Variants in RICTOR observed in about 807,000 individuals in gnomAD.
RICTOR encodes rapamycin-insensitive companion of mTOR.
A neutral mutation model predicts 214.9 loss-of-function variants in RICTOR; 49 were observed. The ratio of observed to expected loss-of-function variants is 0.23; its 90% confidence interval spans 0.18 to 0.29. The LOEUF (loss-of-function observed/expected upper bound fraction) is 0.29. Ranked by LOEUF, RICTOR falls within the 10% of genes least tolerant of loss-of-function variation. The pLI is 1.00. For synonymous variants in RICTOR, 717 were observed against 711.3 expected (o/e 1.01, Z -0.13); for missense variants, 1,625 against 2,047.0 (o/e 0.79, Z 3.98).
intron 31 of RICTOR, chr5:38,949,491 A>T: frequency 7.1e-7 from 1 of 1,417,474 alleles, no homozygotes; most frequent in Non-Finnish European, 9.6e-7. Flanking sequence ...CAAAGCATGT[A>T]TGTTTATTTT....
Position 38,962,306 on chromosome 5 carries a change from C to T in RICTOR, c.1715+9G>A. 7.4e-7 allele frequency: 1 copy of T among 1,342,684 alleles called. No homozygotes were observed. The highest frequency in any genetic ancestry group is 1.3e-5 in the South Asian group (1 of 76,160). 83.2% of individuals were successfully genotyped at this position (1,342,684 alleles called of 1,614,324 possible). ...CTTTAAATTTAAATGCAAAATAGTT[C>T]TTACATACCTGTGTAACTGTTCATC... On this transcript the variant is annotated intron_variant, in intron 19 of 37. Transcript: ENST00000357387.
intron 3 of RICTOR, among the ~76,000 whole-genome samples, chr5:39,004,570 C>T (rs1388363319): frequency 6.6e-6 from 1 of 151,926 alleles, no homozygotes; most frequent in East Asian, 1.9e-4. Flanking sequence ...AGTGATTCTC[C>T]CGCCTCAGCC....
At chr5:39,036,856 A>G (rs1428297935) in intron 2 of RICTOR, among the ~76,000 whole-genome samples, 1 of 152,198 alleles carries the variant, frequency 6.6e-6, no homozygotes, top group Non-Finnish European at 1.5e-5. Flanking sequence ...AGACTCCCAC[A>G]CAATAATAAT....
chr5:39,062,411 T>A lies in RICTOR; in HGVS notation c.97+11700A>T, dbSNP rs941850182. On this transcript the variant is annotated intron_variant, in intron 2 of 37. Coordinates refer to ENST00000357387, the MANE Select transcript of RICTOR (RefSeq NM_152756.5). Reference sequence around the variant, plus strand: ...ACTCCATTCCCCTCAGAGTTTTTCATTTTTCCTTTTTTTTTCTTCTTGAGG... The same window carrying A: ...ACTCCATTCCCCTCAGAGTTTTTCAATTTTCCTTTTTTTTTCTTCTTGAGG... Among the ~76,000 whole-genome samples, 4 of 152,020 alleles carry A rather than the reference T, an allele frequency of 2.6e-5. No individual in the cohort carries two copies. In the East Asian group the frequency reaches 7.7e-4, roughly 29 times the overall value.
intron 4 of RICTOR, 146 bp downstream of exon 4, chr5:39,003,412 C>T (rs1753795722): frequency 3.9e-6 from 2 of 514,584 alleles, no homozygotes; most frequent in Admixed American, 3.9e-5. Context: ...ACTACTGTAG[C>T]TCTTAGATTT....
chr5:38,989,980 A>T (rs1256733399), intron 7 of RICTOR, among the ~76,000 whole-genome samples: 1 of 152,258 alleles, frequency 6.6e-6, no homozygotes, highest in East Asian at 1.9e-4. Context: ...ATACCATTTG[A>T]CCCAGCAATC....
intron 2 of RICTOR, among the ~76,000 whole-genome samples, chr5:39,070,301 T>TA (rs1285401547): frequency 1.1e-4 from 16 of 149,544 alleles, no homozygotes; most frequent in South Asian, 4.3e-4. Flanking sequence ...CCGTCTCTAC[T>TA]AAAAAAAAAT....
chr5:38,981,906 T>C lies in RICTOR; in HGVS notation c.714A>G (p.Pro238=). The change falls in exon 8 of 38, where the codon CCA becomes CCG. Residue 238 remains proline, a synonymous_variant. Coordinates refer to ENST00000357387, the MANE Select transcript of RICTOR (RefSeq NM_152756.5). ...ITTILHLLNH[P]KTRQYVRADV... is the part of the protein sequence containing the mutation. ...CAGCTCGCACATACTGTCGAGTCTTTGGATGATTAAGAAGGTGCAAAATTG... is the reference window on the plus strand; with the variant it reads ...CAGCTCGCACATACTGTCGAGTCTTCGGATGATTAAGAAGGTGCAAAATTG... 1 of 1,613,150 alleles carries C rather than the reference T, an allele frequency of 6.2e-7. No homozygotes were observed. The highest frequency in any genetic ancestry group is 2.2e-5 in the East Asian group (1 of 44,822).
At chr5:39,062,177 T>C (rs1758590436) in intron 2 of RICTOR, among the ~76,000 whole-genome samples, 1 of 152,124 alleles carries the variant, frequency 6.6e-6, no homozygotes, top group Admixed American at 6.5e-5. Context: ...TAGCTTAGTA[T>C]TCAAACATCC....
At position 38,953,516 on chromosome 5, in the gene RICTOR, G is replaced by A. The variant is rs2112877133; in HGVS notation, c.2735C>T (p.Pro912Leu). 6.7e-7 allele frequency: 1 copy of A among 1,491,892 alleles called. No homozygotes were observed. Among genetic ancestry groups the A allele is most frequent in the Non-Finnish European group, 9.0e-7 (1 of 1,114,086 alleles). 92.4% of individuals were successfully genotyped at this position (1,491,892 alleles called of 1,614,324 possible). A position where few individuals can be genotyped will look rare whatever the true frequency, so the allele number is the denominator to read the frequency against. ...AATTTCTTCCCACTTATCCAAATCT[G>A]GTGTACGAACATTACGACAGAGTTC... ...ITELCRNVRT[P>L]DLDKWEEIKK... The change falls in exon 28 of 38, where the codon CCA becomes CTA. Residue 912 changes from proline to leucine, a missense_variant. Physicochemically the swap from Pro to Leu is moderately conservative, Grantham distance 98 (BLOSUM62 -3). Transcript: ENST00000357387.
intron 5 of RICTOR, among the ~76,000 whole-genome samples, chr5:38,998,802 C>G (rs990472015): frequency 2.0e-5 from 3 of 151,838 alleles, no homozygotes; most frequent in Non-Finnish European, 4.4e-5. Flanking sequence ...ATTGCTGGAG[C>G]TCAGGAGTTC....
chr5:39,050,096 G>T (rs1214604076), intron 2 of RICTOR, among the ~76,000 whole-genome samples: 1 of 151,822 alleles, frequency 6.6e-6, no homozygotes, highest in East Asian at 1.9e-4. Flanking sequence ...ATGTTTGAAA[G>T]AAATTGTTAA....
intron 7 of RICTOR, among the ~76,000 whole-genome samples, chr5:38,986,672 G>A (rs1752196299): frequency 6.6e-6 from 1 of 152,120 alleles, no homozygotes; most frequent in Admixed American, 6.6e-5. Flanking sequence ...TGCAAACAGA[G>A]ACAATTTGAT....
intron 2 of RICTOR, among the ~76,000 whole-genome samples, chr5:39,066,553 C>T (rs755445789): frequency 3.9e-5 from 6 of 152,214 alleles, no homozygotes. Context: ...CCTGAAAAAG[C>T]TTTTTCTTTC....
chr5:39,060,008 CT>C (rs959325951), intron 2 of RICTOR, among the ~76,000 whole-genome samples: 1 of 152,002 alleles, frequency 6.6e-6, no homozygotes, highest in African/African-American at 2.4e-5. Context: ...CGACACCATG[CT>C]TTTAGTCAAT....
chr5:38,964,523 C>T (rs952873379), intron 16 of RICTOR, among the ~76,000 whole-genome samples: 2 of 151,816 alleles, frequency 1.3e-5, no homozygotes, highest in African/African-American at 4.8e-5. Flanking sequence ...AACCTCTCAG[C>T]TAACATTTTT....
rs2043112 is a variant in RICTOR, at chr5:38,955,694, G to A, written c.2510C>T (p.Ser837Phe). The change falls in exon 26 of 38, where the codon TCC becomes TTC. Residue 837 changes from serine to phenylalanine, a missense_variant. Physicochemically the swap from Ser to Phe is radical, Grantham distance 155. Around this residue, in one of 5 missense-constraint regions of RICTOR, gnomAD observed 1,214 missense variants for 1,470.5 expected, o/e 0.83. Transcript: ENST00000357387. ...TTCCTCAATCAAGTCAACATATTTGGAGTTGTATTCCTAGAGGATAATATT... is the reference window on the plus strand; with the variant it reads ...TTCCTCAATCAAGTCAACATATTTGAAGTTGTATTCCTAGAGGATAATATT... ...QLEKWHREYNSKYVDLIEEQL... is the reference protein window; with the variant it reads ...QLEKWHREYNFKYVDLIEEQL... The A allele has an allele frequency of 0.39, 614,641 of 1,561,666 alleles. 123,135 individuals carry two copies. The highest frequency in any genetic ancestry group is 0.49 in the East Asian group (21,867 of 44,544).
At chr5:38,983,162 T>C (rs1751864139) in intron 7 of RICTOR, among the ~76,000 whole-genome samples, 1 of 152,190 alleles carries the variant, frequency 6.6e-6, no homozygotes, top group East Asian at 1.9e-4. Flanking sequence ...TATAGATTAG[T>C]TGTGTCTTCT....
At chr5:39,024,926 G>A (rs1262572618) in intron 2 of RICTOR, among the ~76,000 whole-genome samples, 5 of 152,138 alleles carry the variant, frequency 3.3e-5, no homozygotes, top group Non-Finnish European at 7.4e-5. Context: ...ATCAGGTACT[G>A]TTTTAAGTAC....
Sources: gnomAD v4.1 joint callset for allele counts (sites outside exome capture counted in the v4.1 genomes callset) on GRCh38, gnomAD v4.1.1 for gene constraint, gnomAD v4.1.1 regional missense constraint, MANE v1.5 for transcripts, NCBI Gene and HGNC (gene_info 2026-07-23, HGNC 2026-07-21) for gene names.